The following RPUSD1 variants were observed in gnomAD, a reference collection of about 807,000 sequenced individuals.
RPUSD1 encodes the protein RNA pseudouridine synthase domain containing 1.
A neutral mutation model predicts 22.4 loss-of-function variants in RPUSD1; 28 were observed. The observed-to-expected ratio is 1.25, with a 90% CI of 0.93 to 1.72. RPUSD1 has a LOEUF of 1.72. RPUSD1 is among the 40% of genes most tolerant of loss of function. RPUSD1 has a pLI of 0.00. For synonymous variants in RPUSD1, 298 were observed against 201.0 expected (o/e 1.48, Z -4.08); for missense variants, 596 against 442.2 (o/e 1.35, Z -3.12).
chr16:787,429 G>C lies in RPUSD1; in HGVS notation c.231C>G (p.Ala77=). 1 of 1,583,932 alleles carries C rather than the reference G, an allele frequency of 6.3e-7. No homozygotes were observed. The highest frequency in any genetic ancestry group is 8.6e-7 in the Non-Finnish European group (1 of 1,165,082). The change falls in exon 3 of 6, where the codon GCC becomes GCG. Residue 77 remains alanine, a synonymous_variant. Coordinates refer to ENST00000007264, the MANE Select transcript of RPUSD1 (RefSeq NM_058192.3). The part of the protein sequence containing the change: ...DFSTSGALCV[A]LNKAAAGSAY... ...CGCTGCCGGCGGCTGCCTTGTTTAG[G>C]GCCACGCACAGCGCCCCGCTGGTGG... is the stretch of plus-strand genomic sequence containing the variant.
rs199529893 is a variant in RPUSD1, at chr16:787,413, C to A, written c.247G>T (p.Ala83Ser). 1.3e-6 allele frequency: 2 copies of A among 1,584,472 alleles called. No homozygotes were observed. Among genetic ancestry groups the A allele is most frequent in the South Asian group, 1.1e-5 (1 of 87,790 alleles). ...TTGAAGCACCTGTACGCGCTGCCGGCGGCTGCCTTGTTTAGGGCCACGCAC... is the reference window on the plus strand; with the variant it reads ...TTGAAGCACCTGTACGCGCTGCCGGAGGCTGCCTTGTTTAGGGCCACGCAC... ...ALCVALNKAA[A>S]GSAYRCFKER... is the part of the protein sequence containing the mutation. The change falls in exon 3 of 6, where the codon GCC (alanine) becomes TCC (serine). Residue 83 changes from alanine (A) to serine (S), a missense_variant. Physicochemically the swap from Ala to Ser is moderately conservative, Grantham distance 99. Transcript: ENST00000007264.
rs534439071 is a variant in RPUSD1, at chr16:785,740, G to A, written c.*210C>T. The A allele has an allele frequency of 8.0e-5, 34 of 424,912 alleles. No individual in the cohort carries two copies. Among genetic ancestry groups the A allele is most frequent in the Non-Finnish European group, 1.1e-4 (27 of 246,440 alleles). The allele number at this position is 424,912 out of a possible 1,614,324, so 26.3% of individuals were successfully genotyped here. A position where few individuals can be genotyped will look rare whatever the true frequency, so the allele number is the denominator to read the frequency against. ...GGGATCCCGCATCAGTCCCACGGCCGCGGTGCGGTCGTCACCTGTGATCAC... is the reference window on the plus strand; with the variant it reads ...GGGATCCCGCATCAGTCCCACGGCCACGGTGCGGTCGTCACCTGTGATCAC... On this transcript the variant is annotated 3_prime_UTR_variant, in exon 6 of 6. Coordinates refer to ENST00000007264, the MANE Select transcript of RPUSD1 (RefSeq NM_058192.3).
At chr16:786,992 G>C (rs2272896) in intron 4 of RPUSD1, 64 bp from the exon 5 acceptor site, 381,732 of 1,561,958 alleles carry the variant, frequency 0.24, 53,691 homozygotes, top group South Asian at 0.5. Context: ...CCACCCCAAC[G>C]CACGATGCCC....
Position 787,579 on chromosome 16 carries a change from G to C in RPUSD1, c.159C>G (p.Asp53Glu), listed in dbSNP as rs761049010. 3.1e-6 allele frequency: 5 copies of C among 1,611,100 alleles called. No homozygotes were observed. The highest frequency in any genetic ancestry group is 4.2e-6 in the Non-Finnish European group (5 of 1,179,882). The change falls in exon 2 of 6, where the codon GAC (aspartate) becomes GAG (glutamate). Residue 53 changes from aspartate (D) to glutamate (E), a missense_variant. Asp to Glu is a conservative substitution (Grantham distance 45). Coordinates refer to ENST00000007264, the MANE Select transcript of RPUSD1 (RefSeq NM_058192.3). Reference sequence around the variant, plus strand: ...ACCTGAACCCGTAGCAGGTGTCAGGGTCGGCCAGCTCGGGAAAGCGGTACC... The same window carrying C: ...ACCTGAACCCGTAGCAGGTGTCAGGCTCGGCCAGCTCGGGAAAGCGGTACC... ...QLRYRFPELA[D>E]PDTCYGFRFC...
rs1420439975 is a variant in RPUSD1, at chr16:785,977, C to T, written c.912G>A (p.Ser304=). 23 of 1,446,760 alleles carry T rather than the reference C, an allele frequency of 1.6e-5. No homozygotes were observed. The highest frequency in any genetic ancestry group is 5.7e-5 in the African/African-American group (4 of 70,060). The allele number at this position is 1,446,760 out of a possible 1,614,324, so 89.6% of individuals were successfully genotyped here. A position where few individuals can be genotyped will look rare whatever the true frequency, so the allele number is the denominator to read the frequency against. The change falls in exon 6 of 6, where the codon TCG becomes TCA. Residue 304 remains serine, a synonymous_variant. Coordinates refer to ENST00000007264, the MANE Select transcript of RPUSD1 (RefSeq NM_058192.3). ...AGCTGTCCGGTTCCAGCGTCCACTC[C>T]GACAGCCACTGCAGGCAGGGGCCCC... ...AQRGPCLQWL[S]EWTLEPDS
In RPUSD1 at chr16:785,880, G is replaced by T. The variant is rs545670199; in HGVS notation, c.*70C>A. ...CTCGAGGCCCCAGAGCCAGTGAGCA[G>T]ACGCTCGCTCGCCCATCTCCCTAGA... On this transcript the variant is annotated 3_prime_UTR_variant, in exon 6 of 6. Transcript: ENST00000007264. 11 of 1,310,080 alleles carry T rather than the reference G, an allele frequency of 8.4e-6. No homozygotes were observed. The African/African-American group carries it at 1.6e-4, about 20-fold the overall frequency. The allele number at this position is 1,310,080 out of a possible 1,614,324, so 81.2% of individuals were successfully genotyped here.
intron 1 of RPUSD1, 107 bp from the exon 2 acceptor site, chr16:787,851 C>G (rs970741399): frequency 8.5e-7 from 1 of 1,181,172 alleles, no homozygotes; most frequent in Non-Finnish European, 1.2e-6. Context: ...GCGAAGCCAC[C>G]GAGCCGGGTC....
chr16:787,116 C>G lies in RPUSD1; in HGVS notation c.370G>C (p.Glu124Gln), dbSNP rs2272898. 1.4e-3 allele frequency: 2,199 copies of G among 1,607,692 alleles called. 51 individuals carry two copies. In the East Asian group the frequency reaches 0.04, roughly 29 times the overall value. Residue 124 changes from glutamate (E) to glutamine (Q), a missense_variant, in exon 4 of 6, where the codon GAG becomes CAG. Transcript: ENST00000007264. ...ISHAIGRNST[E>Q]GRAHTMCIEG... is the part of the protein sequence containing the mutation. ...ATGCACATGGTGTGGGCCCGGCCCT[C>G]CGTGCTGTTCCTGCCAATGGCATGG...
chr16:787,051 G>T (rs745710877), intron 4 of RPUSD1, 26 bp downstream of exon 4: 2 of 1,596,416 alleles, frequency 1.3e-6, no homozygotes, highest in Non-Finnish European at 1.7e-6. Flanking sequence ...CACGATGCCC[G>T]CCCGGTGGGT....
rs148500888 is a variant in RPUSD1, at chr16:786,116, G to A, written c.773C>T (p.Pro258Leu). ...GCCCCTATCCTCGGGGTCAGGGTCG[G>A]GGGTGGCCCGTAAGGCCTGCACGAG... is the stretch of plus-strand genomic sequence containing the variant. ...DQLVQALRATPDPDPEDRGPR... is the reference protein window; with the variant it reads ...DQLVQALRATLDPDPEDRGPR... Residue 258 changes from proline to leucine, a missense_variant, in exon 6 of 6, where the codon CCC (proline) becomes CTC (leucine). Physicochemically the swap from Pro to Leu is moderately conservative, Grantham distance 98. Coordinates refer to ENST00000007264, the MANE Select transcript of RPUSD1 (RefSeq NM_058192.3). The A allele has an allele frequency of 2.5e-4, 393 of 1,598,036 alleles. 5 individuals are homozygous for A. The Middle Eastern group carries it at 0.016, about 65-fold the overall frequency.
intron 5 of RPUSD1, 86 bp downstream of exon 5, chr16:786,741 C>T (rs1189882953): frequency 9.1e-7 from 1 of 1,097,772 alleles, no homozygotes; most frequent in Admixed American, 1.7e-5. Flanking sequence ...TGCCCTGATG[C>T]TCAGGGTGGC....
rs761075500 is a variant in RPUSD1 at position 787,608 on chromosome 16, G to A, written c.130C>T (p.Leu44=). 37 of 1,611,490 alleles carry A rather than the reference G, an allele frequency of 2.3e-5. 1 individual carries two copies. In the Middle Eastern group the frequency reaches 2.1e-3, roughly 93 times the overall value. The change falls in exon 2 of 6, where the codon CTG becomes TTG. Residue 44 remains leucine, a synonymous_variant. Transcript: ENST00000007264. ...WRETLTLQKQ[L]RYRFPELADP... ...GCCAGCTCGGGAAAGCGGTACCGCA[G>A]CTGCTTCTGCAGGGTCAGAGTCTCC...
At chr16:788,185 G>A (rs1422233018) in intron 1 of RPUSD1, 71 bp downstream of exon 1, 6 of 413,010 alleles carry the variant, frequency 1.5e-5, no homozygotes, top group Admixed American at 1.1e-4. Context: ...CCCGCGCCCC[G>A]CACAGGCCCG....
In RPUSD1 at chr16:785,821, G is replaced by T. The variant is rs113843321; in HGVS notation, c.*129C>A. 2.3e-6 allele frequency: 2 copies of T among 852,340 alleles called. No individual in the cohort carries two copies. The highest frequency in any genetic ancestry group is 3.6e-5 in the South Asian group (1 of 27,948). 52.8% of individuals were successfully genotyped at this position (852,340 alleles called of 1,614,324 possible). ...TCAGCCCTTCCTCGCAGGCCTGGCC[G>T]GGGCAACCCAGTGGGCCTGATGCTG... is the stretch of plus-strand genomic sequence containing the variant. On this transcript the variant is annotated 3_prime_UTR_variant, in exon 6 of 6. Coordinates refer to ENST00000007264, the MANE Select transcript of RPUSD1 (RefSeq NM_058192.3).
chr16:787,203 G>C, intron 3 of RPUSD1, 24 bp from the exon 4 acceptor site: 1 of 1,583,950 alleles, frequency 6.3e-7, no homozygotes, highest in Non-Finnish European at 8.6e-7. Flanking sequence ...AGAATCGCAC[G>C]CAGTTCACGG....
Position 786,037 on chromosome 16 carries a change from TGGA to T in RPUSD1, c.849_851del (p.Pro286del). ...CAGTCTCAGGGGGCTTGGTTGGGGGTGGAGGAGGCCGGCCGGGCCCAGGCAGGA... is the reference window on the plus strand; with the variant it reads ...CAGTCTCAGGGGGCTTGGTTGGGGGTGGAGGCCGGCCGGGCCCAGGCAGGA... On this transcript the variant is annotated inframe_deletion, in exon 6 of 6. Coordinates refer to ENST00000007264, the MANE Select transcript of RPUSD1 (RefSeq NM_058192.3). 3 of 1,506,350 alleles carry T rather than the reference TGGA, an allele frequency of 2.0e-6. No homozygotes were observed. Among genetic ancestry groups the T allele is most frequent in the Admixed American group, 2.1e-5 (1 of 47,720 alleles). 93.3% of individuals were successfully genotyped at this position (1,506,350 alleles called of 1,614,324 possible).
Position 785,905 on chromosome 16 carries a change from A to T in RPUSD1, c.*45T>A. ...GACGCTCGCTCGCCCATCTCCCTAG[A>T]GTCCCGCTGTGCAGCTGACACCCCC... is the stretch of plus-strand genomic sequence containing the variant. On this transcript the variant is annotated 3_prime_UTR_variant, in exon 6 of 6. Transcript: ENST00000007264. The T allele has an allele frequency of 7.2e-7, 1 of 1,397,598 alleles. No homozygotes were observed. The highest frequency in any genetic ancestry group is 9.3e-7 in the Non-Finnish European group (1 of 1,071,700). 86.6% of individuals were successfully genotyped at this position (1,397,598 alleles called of 1,614,324 possible). A position where few individuals can be genotyped will look rare whatever the true frequency, so the allele number is the denominator to read the frequency against.
chr16:786,535 A>G (rs890372775), intron 5 of RPUSD1, 158 bp from the exon 6 acceptor site: 90 of 779,920 alleles, frequency 1.2e-4, no homozygotes, highest in Non-Finnish European at 1.8e-4. Context: ...TGAGGATGAC[A>G]GTATTTAGGA....
At position 787,262 on chromosome 16, in the gene RPUSD1, A is replaced by C. The variant is rs910723944; in HGVS notation, c.307-83T>G. The C allele has an allele frequency of 1.9e-6, 3 of 1,544,724 alleles. No individual in the cohort carries two copies. In the Admixed American group the frequency reaches 5.7e-5, roughly 29 times the overall value. Reference sequence around the variant, plus strand: ...CCCACCTAACACCAAGCAACCACGTAGAGCGTGGTGGGAGGCTCTGAGCCA... The same window carrying C: ...CCCACCTAACACCAAGCAACCACGTCGAGCGTGGTGGGAGGCTCTGAGCCA... On this transcript the variant is annotated intron_variant, in intron 3 of 5. Transcript: ENST00000007264.
Sources: allele counts gnomAD v4.1 joint callset, GRCh38; gene constraint gnomAD v4.1.1; transcripts MANE v1.5; gene names NCBI Gene and HGNC (gene_info 2026-07-23, HGNC 2026-07-21).